Variants in MYO3B observed in about 807,000 individuals in gnomAD.
MYO3B encodes myosin-IIIb.
Under a neutral mutation model 174.6 loss-of-function variants are expected in MYO3B, and 156 were observed. The ratio of observed to expected loss-of-function variants is 0.89; its 90% CI spans 0.78 to 1.02. The LOEUF is 1.02. Ranked by LOEUF, MYO3B falls within the 50% of genes least tolerant of loss-of-function variation. MYO3B has a pLI of 0.00. For synonymous variants in MYO3B, 563 were observed against 569.1 expected, an observed-to-expected ratio of 0.99 and a Z score of 0.15; for missense variants, 1,632 against 1,639.4, an observed-to-expected ratio of 1.00 and a Z score of 0.08.
intron 32 of MYO3B, among the ~76,000 whole-genome samples, chr2:170,567,734 G>A (rs1451218082): frequency 6.6e-6 from 1 of 152,178 alleles, no homozygotes; most frequent in African/African-American, 2.4e-5. Context: ...GAGTATCACT[G>A]TGAGAAAAGC....
At chr2:170,624,319 T>C (rs1696204094) in intron 32 of MYO3B, among the ~76,000 whole-genome samples, 1 of 152,226 alleles carries the variant, frequency 6.6e-6, no homozygotes, top group Non-Finnish European at 1.5e-5. Context: ...CGAGGCATTT[T>C]ATTCTCTTTG....
chr2:170,181,841 A>G (rs917740937), intron 1 of MYO3B, among the ~76,000 whole-genome samples: 5 of 152,112 alleles, frequency 3.3e-5, no homozygotes, highest in Non-Finnish European at 7.4e-5. Flanking sequence ...CCTCACAAAG[A>G]TTGTTTACGC....
chr2:170,232,234 G>A (rs1013668249), intron 6 of MYO3B, among the ~76,000 whole-genome samples: 5 of 152,184 alleles, frequency 3.3e-5, no homozygotes, highest in Non-Finnish European at 7.3e-5. Context: ...CAAGGAGAAT[G>A]TTGAGCTAAA....
chr2:170,309,828 C>A (rs2093725561), intron 7 of MYO3B, among the ~76,000 whole-genome samples: 1 of 152,150 alleles, frequency 6.6e-6, no homozygotes, highest in Non-Finnish European at 1.5e-5. Flanking sequence ...AGTACATTCA[C>A]CATGTTGTGC....
intron 7 of MYO3B, among the ~76,000 whole-genome samples, chr2:170,291,070 G>T (rs1340938178): frequency 6.6e-6 from 1 of 151,998 alleles, no homozygotes; most frequent in Non-Finnish European, 1.5e-5. Context: ...CCAACATGGT[G>T]AAACCCCGTC....
chr2:170,635,683 AT>A (rs1351531535), intron 32 of MYO3B, among the ~76,000 whole-genome samples: 1 of 152,180 alleles, frequency 6.6e-6, no homozygotes, highest in Non-Finnish European at 1.5e-5. Context: ...TAAAGATCAC[AT>A]TATAGGGCAT....
intron 7 of MYO3B, among the ~76,000 whole-genome samples, chr2:170,255,148 T>G (rs144418492): frequency 6.6e-6 from 1 of 152,298 alleles, no homozygotes; most frequent in Non-Finnish European, 1.5e-5. Context: ...TCTGACTCTG[T>G]CAACCTCAGA....
intron 6 of MYO3B, among the ~76,000 whole-genome samples, chr2:170,221,021 C>A (rs1410701606): frequency 6.6e-6 from 1 of 152,176 alleles, no homozygotes; most frequent in Non-Finnish European, 1.5e-5. Flanking sequence ...ACAAGAACAA[C>A]CTTCCATTTT....
intron 6 of MYO3B, among the ~76,000 whole-genome samples, chr2:170,219,312 C>G (rs1266091168): frequency 6.6e-6 from 1 of 152,176 alleles, no homozygotes; most frequent in African/African-American, 2.4e-5. Context: ...TGCCTAAGCT[C>G]TTAATATAGT....
intron 1 of MYO3B, among the ~76,000 whole-genome samples, chr2:170,195,846 G>A (rs2092594141): frequency 6.6e-6 from 1 of 152,274 alleles, no homozygotes; most frequent in South Asian, 2.1e-4. Flanking sequence ...TCCTATGAGA[G>A]GGGTCAGGGA....
intron 1 of MYO3B, among the ~76,000 whole-genome samples, chr2:170,192,766 C>T (rs1022034833): frequency 1.3e-5 from 2 of 151,366 alleles, no homozygotes; most frequent in Admixed American, 1.3e-4. Flanking sequence ...TTTTTATATA[C>T]TCTGTAATTT....
In MYO3B at chr2:170,199,191, A is replaced by G; in HGVS notation, c.3-17A>G. ...TTCTGTGATCTGTTGCACATAACAA[A>G]TTTTTCCCCCAACCAGGAAACATCT... On this transcript the variant is annotated splice_polypyrimidine_tract_variant and intron_variant, in intron 1 of 34. Coordinates refer to ENST00000408978, the MANE Select transcript of MYO3B (RefSeq NM_138995.5). 1.3e-6 allele frequency: 2 copies of G among 1,573,102 alleles called. No individual in the cohort carries two copies. Among genetic ancestry groups the G allele is most frequent in the South Asian group, 2.4e-5 (2 of 83,034 alleles).
intron 22 of MYO3B, among the ~76,000 whole-genome samples, chr2:170,432,645 C>T (rs1470337331): frequency 3.3e-5 from 5 of 150,870 alleles, no homozygotes; most frequent in Admixed American, 2.6e-4. Flanking sequence ...GGCACGATCT[C>T]GGCTCACTGC....
chr2:170,222,463 C>G (rs1237166723), intron 6 of MYO3B, among the ~76,000 whole-genome samples: 3 of 152,158 alleles, frequency 2.0e-5, no homozygotes, highest in African/African-American at 7.2e-5. Context: ...CCTCTGAAGC[C>G]TCTAGGGGAG....
intron 25 of MYO3B, among the ~76,000 whole-genome samples, chr2:170,478,451 A>G (rs1685449213): frequency 6.6e-6 from 1 of 151,296 alleles, no homozygotes; most frequent in African/African-American, 2.4e-5. Context: ...GACGTGCCTG[A>G]CTAGAAGCAG....
Position 170,573,227 on chromosome 2 carries a change from G to GTGTATATATA in MYO3B, c.3733+29240_3733+29241insGTATATATAT, listed in dbSNP as rs1446970724. 7.8e-3 allele frequency among the ~76,000 whole-genome samples: 360 copies of GTGTATATATA among 46,442 alleles called. 2 individuals are homozygous for GTGTATATATA. The highest frequency in any genetic ancestry group is 0.018 in the Admixed American group (83 of 4,670). 30.5% of individuals were successfully genotyped at this position (46,442 alleles called of 152,430 possible). A position where few individuals can be genotyped will look rare whatever the true frequency, so the allele number is the denominator to read the frequency against. ...TAATAAACATATATGTATACTGTGT[G>GTGTATATATA]TATATATATATATATATATATATGT... On this transcript the variant is annotated intron_variant, in intron 32 of 34. Coordinates refer to ENST00000408978, the MANE Select transcript of MYO3B (RefSeq NM_138995.5).
Position 170,461,644 on chromosome 2 carries a change from C to T in MYO3B, c.2731-1724C>T, listed in dbSNP as rs1042452168. ...TACAAAAATTAGCTGGGTGTGGTGGCAGGCGCCTGTAATCCCAGCTACTCG... is the reference window on the plus strand; with the variant it reads ...TACAAAAATTAGCTGGGTGTGGTGGTAGGCGCCTGTAATCCCAGCTACTCG... On this transcript the variant is annotated intron_variant, in intron 23 of 34. Coordinates refer to ENST00000408978, the MANE Select transcript of MYO3B (RefSeq NM_138995.5). Among the ~76,000 whole-genome samples, 3 of 151,884 alleles carry T rather than the reference C, an allele frequency of 2.0e-5. No homozygotes were observed. The East Asian group carries it at 5.8e-4, about 29-fold the overall frequency.
chr2:170,338,394 T>C (rs1395178766), intron 8 of MYO3B, among the ~76,000 whole-genome samples: 1 of 152,182 alleles, frequency 6.6e-6, no homozygotes. Flanking sequence ...CGGTTTTTTA[T>C]TAGTGAAAAA....
intron 30 of MYO3B, among the ~76,000 whole-genome samples, chr2:170,523,841 G>T (rs1688830978): frequency 6.6e-6 from 1 of 152,198 alleles, no homozygotes; most frequent in Non-Finnish European, 1.5e-5. Flanking sequence ...TTTCCCAGAA[G>T]TCACCCAGGA....
Sources: gnomAD v4.1 joint callset for allele counts (sites outside exome capture counted in the v4.1 genomes callset) on GRCh38, gnomAD v4.1.1 for gene constraint, MANE v1.5 for transcripts, NCBI Gene and HGNC (gene_info 2026-07-23, HGNC 2026-07-21) for gene names.